The following RADIL variants were observed in gnomAD, a reference collection of about 807,000 sequenced individuals.
RADIL encodes Rap associating with DIL domain.
RADIL carries 99 observed loss-of-function variants against 97.6 expected under a neutral mutation model. The observed-to-expected ratio is 1.01, with a 90% CI of 0.86 to 1.20. RADIL has a LOEUF of 1.20. Ranked by LOEUF, RADIL falls within the 50% of genes most tolerant of loss-of-function variation. RADIL has a pLI of 0.00. For missense variants in RADIL, 1,765 were observed against 1,498.9 expected, an observed-to-expected ratio of 1.18 and a Z score of -2.93; for synonymous variants, 803 against 691.8, an observed-to-expected ratio of 1.16 and a Z score of -2.52.
At chr7:4,800,373 A>ATGTCC in intron 12 of RADIL, 63 bp from the exon 13 acceptor site, 1 of 1,399,086 alleles carries the variant, frequency 7.1e-7, no homozygotes. Flanking sequence ...GAGGAATGGG[A>ATGTCC]TGTCCTGGCC....
At chr7:4,861,187 G>C (rs767678590) in intron 2 of RADIL, 2 of 1,614,020 alleles carry the variant, frequency 1.2e-6, no homozygotes, top group African/African-American at 2.7e-5. Flanking sequence ...AAATTTCATC[G>C]GTTACCCGGC....
At chr7:4,802,936 C>T (rs1782159400) in intron 11 of RADIL, among the ~76,000 whole-genome samples, 1 of 114,142 alleles carries the variant, frequency 8.8e-6, no homozygotes, top group African/African-American at 4.3e-5. Context: ...GTCCCCTCCC[C>T]GGGCACCTCG....
intron 9 of RADIL, among the ~76,000 whole-genome samples, chr7:4,811,460 G>C (rs1168883667): frequency 7.0e-6 from 1 of 142,544 alleles, no homozygotes; most frequent in Non-Finnish European, 1.5e-5. Flanking sequence ...GTAAGAATTT[G>C]GTACTGATGG....
At chr7:4,861,475 G>C in intron 2 of RADIL, 1 of 1,614,038 alleles carries the variant, frequency 6.2e-7, no homozygotes, top group Non-Finnish European at 8.5e-7. Context: ...CAATATCTGC[G>C]CCTTTCGTAT....
At position 4,834,836 on chromosome 7, in the gene RADIL, T is replaced by C. The variant is rs1277051255; in HGVS notation, c.1187A>G (p.Gln396Arg). Residue 396 changes from glutamine to arginine, a missense_variant, in exon 4 of 15, where the codon CAG becomes CGG. Gln to Arg is a conservative substitution (Grantham distance 43, BLOSUM62 1). Coordinates refer to ENST00000399583, the MANE Select transcript of RADIL (RefSeq NM_018059.5). The surrounding 1 kb of genome is among the most constrained non-coding windows in gnomAD (Gnocchi z 6.0). ...CTGCTGGCGCCGGGGCAGGGCGGCC[T>C]GAGTAGGGGAGGCGGCTCCCCGGGC... ...LGARGAASPTQAALPRRQQLL... is the reference protein window; with the variant it reads ...LGARGAASPTRAALPRRQQLL... The C allele has an allele frequency of 1.2e-5, 16 of 1,311,466 alleles. No individual in the cohort carries two copies. The highest frequency in any genetic ancestry group is 4.1e-5 in the Admixed American group (1 of 24,472). The allele number at this position is 1,311,466 out of a possible 1,614,324, so 81.2% of individuals were successfully genotyped here.
At chr7:4,853,158 C>A (rs543157615) in intron 2 of RADIL, among the ~76,000 whole-genome samples, 1 of 152,292 alleles carries the variant, frequency 6.6e-6, no homozygotes, top group African/African-American at 2.4e-5. Context: ...CAGGCTGTGG[C>A]AGCCAGAATT....
chr7:4,826,321 G>C (rs1031925331), intron 5 of RADIL, among the ~76,000 whole-genome samples: 1 of 152,134 alleles, frequency 6.6e-6, no homozygotes, highest in African/African-American at 2.4e-5. Context: ...ATGAAAGCCC[G>C]GAAGTGAGGA....
In RADIL at chr7:4,880,472, C is replaced by A. The variant is rs973376498; in HGVS notation, c.-64-2269G>T. Among the ~76,000 whole-genome samples, 1 of 152,160 alleles carries A rather than the reference C, an allele frequency of 6.6e-6. No individual in the cohort carries two copies. Among genetic ancestry groups the A allele is most frequent in the Non-Finnish European group, 1.5e-5 (1 of 68,032 alleles). On this transcript the variant is annotated intron_variant, in intron 1 of 14. Coordinates refer to ENST00000399583, the MANE Select transcript of RADIL (RefSeq NM_018059.5). The surrounding 1 kb of genome is among the most constrained non-coding windows in gnomAD (Gnocchi z 4.5). ...CTGTGGTCAGTTTTCAAAGTGAGTA[C>A]TTGGAATCACAGAACAAAACCCCTC...
chr7:4,802,150 G>C (rs1193547851), intron 11 of RADIL, among the ~76,000 whole-genome samples, 155 bp from the exon 12 acceptor site: 2 of 152,178 alleles, frequency 1.3e-5, no homozygotes, highest in African/African-American at 4.8e-5. Flanking sequence ...ACGCGCAAGA[G>C]GCAAAGGGGC....
chr7:4,857,350 C>T (rs1293612505), intron 2 of RADIL, among the ~76,000 whole-genome samples: 1 of 152,136 alleles, frequency 6.6e-6, no homozygotes, highest in Non-Finnish European at 1.5e-5. Flanking sequence ...TTAAGTAAAA[C>T]AGCATACAGT....
rs199593073 is a variant in RADIL, at chr7:4,877,912, G to A, written c.228C>T (p.Thr76=). The A allele has an allele frequency of 1.2e-6, 2 of 1,606,598 alleles. No homozygotes were observed. The highest frequency in any genetic ancestry group is 1.3e-5 in the African/African-American group (1 of 75,042). Residue 76 remains threonine (T), a synonymous_variant, in exon 2 of 15, where the codon ACC becomes ACT. Transcript: ENST00000399583. ...KVFGDSVCTG[T]HYKSVLATGT... is the part of the protein sequence containing the mutation. ...CGGTGGCCAGGACGCTCTTGTAGTG[G>A]GTTCCTGTGCAGACACTGTCCCCAA...
At position 4,854,228 on chromosome 7, in the gene RADIL, C is replaced by T. The variant is rs1238349483; in HGVS notation, c.536-17623G>A. 2.6e-5 allele frequency among the ~76,000 whole-genome samples: 4 copies of T among 152,260 alleles called. No individual in the cohort carries two copies. The highest frequency in any genetic ancestry group is 1.3e-4 in the Admixed American group (2 of 15,298). On this transcript the variant is annotated intron_variant, in intron 2 of 14. Coordinates refer to ENST00000399583, the MANE Select transcript of RADIL (RefSeq NM_018059.5). The surrounding 1 kb of genome is among the most constrained non-coding windows in gnomAD (Gnocchi z 5.1). ...GGTCCCTGGTGACCAGGAAAGCCAC[C>T]GTTACCAGCCCCGAACTTACTGTTA...
rs1337607274 is a variant in RADIL, at chr7:4,840,053, C to T, written c.536-3448G>A. Among the ~76,000 whole-genome samples the T allele has an allele frequency of 3.9e-5, 6 of 152,252 alleles. No homozygotes were observed. The highest frequency in any genetic ancestry group is 3.9e-4 in the Admixed American group (6 of 15,280). ...CGTGAGCCACCGCGCCCAGCATAAA[C>T]ACTTTTGTTAAAATAAAAATCACAG... On this transcript the variant is annotated intron_variant, in intron 2 of 14. Coordinates refer to ENST00000399583, the MANE Select transcript of RADIL (RefSeq NM_018059.5). The surrounding 1 kb of genome is among the most constrained non-coding windows in gnomAD (Gnocchi z 5.6).
intron 2 of RADIL, among the ~76,000 whole-genome samples, chr7:4,852,845 T>A (rs1277050992): frequency 6.6e-6 from 1 of 152,058 alleles, no homozygotes; most frequent in Non-Finnish European, 1.5e-5. Flanking sequence ...GCCTGGCCCA[T>A]TTCCCTCACT....
At chr7:4,870,703 C>T (rs932664521) in intron 2 of RADIL, among the ~76,000 whole-genome samples, 1 of 152,216 alleles carries the variant, frequency 6.6e-6, no homozygotes, top group African/African-American at 2.4e-5. Context: ...CTCGGCCTCC[C>T]AAAGTGCTGG....
intron 5 of RADIL, among the ~76,000 whole-genome samples, chr7:4,829,738 G>C (rs1278066941): frequency 1.3e-5 from 2 of 152,058 alleles, no homozygotes; most frequent in Non-Finnish European, 2.9e-5. Context: ...GTTGGTTTTA[G>C]AAAGGGTGGT....
chr7:4,799,976 C>T (rs1371511166), intron 13 of RADIL, among the ~76,000 whole-genome samples, 195 bp downstream of exon 13: 3 of 152,114 alleles, frequency 2.0e-5, no homozygotes, highest in African/African-American at 4.8e-5. Context: ...AGGACAGAGG[C>T]AAGAGACAGC....
chr7:4,809,598 G>T (rs896570824), intron 9 of RADIL: 66 of 985,342 alleles, frequency 6.7e-5, no homozygotes, highest in Non-Finnish European at 7.7e-5. Flanking sequence ...CTGCAGACAC[G>T]CTCCTTGAAC....
chr7:4,839,415 G>A (rs1408705495), intron 2 of RADIL, among the ~76,000 whole-genome samples: 1 of 152,084 alleles, frequency 6.6e-6, no homozygotes, highest in Non-Finnish European at 1.5e-5. Context: ...ATGGCCAAGC[G>A]TGTGGTCAGT....
Sources: allele counts gnomAD v4.1 joint callset (sites outside exome capture counted in the v4.1 genomes callset), GRCh38; gene constraint gnomAD v4.1.1; non-coding constraint Gnocchi (gnomAD v3.1); transcripts MANE v1.5; gene names NCBI Gene and HGNC (gene_info 2026-07-23, HGNC 2026-07-21).